Variants in PSMD14 observed in about 807,000 individuals in gnomAD.
The protein encoded by PSMD14 is ubiquitin C-terminal hydrolase PSMD14.
Under a neutral mutation model 41.2 loss-of-function variants are expected in PSMD14, and 7 were observed. That is an observed-to-expected ratio of 0.17 (90% CI 0.10 to 0.32). PSMD14 has a LOEUF of 0.32. Ranked by LOEUF, PSMD14 falls within the 10% of genes least tolerant of loss-of-function variation. The probability of loss-of-function intolerance (pLI) is 1.00; values close to 1 mark genes in which losing one functional copy is unlikely to be tolerated. For synonymous variants in PSMD14, 114 were observed against 122.3 expected, an observed-to-expected ratio of 0.93 and a Z score of 0.45; for missense variants, 139 against 375.6, an observed-to-expected ratio of 0.37 and a Z score of 5.21.
At chr2:161,375,350 G>A (rs1683489271) in intron 7 of PSMD14, among the ~76,000 whole-genome samples, 1 of 152,004 alleles carries the variant, frequency 6.6e-6, no homozygotes, top group South Asian at 2.1e-4. Context: ...TAAGTTGGTT[G>A]CTAGAGACAG....
chr2:161,313,919 T>C (rs1291437972), intron 1 of PSMD14, among the ~76,000 whole-genome samples: 1 of 152,218 alleles, frequency 6.6e-6, no homozygotes, highest in Admixed American at 6.5e-5. Context: ...ATTCTAACTT[T>C]CTGGTGTACA....
At chr2:161,406,850 A>G (rs2105273357) in intron 10 of PSMD14, among the ~76,000 whole-genome samples, 1 of 152,258 alleles carries the variant, frequency 6.6e-6, no homozygotes, top group East Asian at 1.9e-4. Context: ...AATTATGTAA[A>G]AGATTTTTAA....
chr2:161,325,711 T>C (rs1365876116), intron 3 of PSMD14, among the ~76,000 whole-genome samples: 1 of 152,100 alleles, frequency 6.6e-6, no homozygotes, highest in East Asian at 1.9e-4. Flanking sequence ...GCAAAGAAAT[T>C]CCTAAAAAGG....
At chr2:161,402,174 T>G (rs1452916948) in intron 10 of PSMD14, among the ~76,000 whole-genome samples, 2 of 152,224 alleles carry the variant, frequency 1.3e-5, no homozygotes, top group Admixed American at 6.5e-5. Flanking sequence ...ATTGGTTTGC[T>G]TGCATCTCCA....
chr2:161,346,206 C>T (rs570764745), intron 3 of PSMD14, among the ~76,000 whole-genome samples: 7 of 152,168 alleles, frequency 4.6e-5, no homozygotes, highest in African/African-American at 1.7e-4. Flanking sequence ...GTTAAATCTT[C>T]TATTAACCCC....
intron 3 of PSMD14, among the ~76,000 whole-genome samples, chr2:161,331,132 G>A (rs1225525080): frequency 6.6e-6 from 1 of 151,976 alleles, no homozygotes; most frequent in Non-Finnish European, 1.5e-5. Context: ...ATAGGGAGAT[G>A]ATTTTGATTT....
intron 9 of PSMD14, among the ~76,000 whole-genome samples, chr2:161,392,473 A>G (rs1254149368): frequency 1.3e-5 from 2 of 152,218 alleles, no homozygotes; most frequent in Non-Finnish European, 1.5e-5. Context: ...TCTTTCAACC[A>G]GATCACATCC....
intron 3 of PSMD14, among the ~76,000 whole-genome samples, chr2:161,345,236 CTTTTTTTTTT>C (rs869245727): frequency 5.3e-5 from 3 of 57,034 alleles, no homozygotes; most frequent in South Asian, 1.9e-3. Flanking sequence ...ATCTCTGTGT[CTTTTTTTTTT>C]TTTTTTTTTT....
At chr2:161,314,563 C>A (rs977087925) in intron 1 of PSMD14, among the ~76,000 whole-genome samples, 7 of 152,192 alleles carry the variant, frequency 4.6e-5, no homozygotes, top group Non-Finnish European at 1.0e-4. Flanking sequence ...CCTTCCCCAC[C>A]CACTGATAAC....
At chr2:161,389,258 TA>T (rs1483140699) in intron 8 of PSMD14, among the ~76,000 whole-genome samples, 3 of 152,142 alleles carry the variant, frequency 2.0e-5, no homozygotes, top group African/African-American at 7.2e-5. Flanking sequence ...GTTGTGCAAG[TA>T]GTGAGTGCAT....
chr2:161,398,917 T>C (rs1433185973), intron 10 of PSMD14, among the ~76,000 whole-genome samples: 1 of 152,054 alleles, frequency 6.6e-6, no homozygotes, highest in African/African-American at 2.4e-5. Flanking sequence ...TTGGATATGA[T>C]AGAATGTGTT....
chr2:161,387,400 G>C (rs1336596992), intron 8 of PSMD14, among the ~76,000 whole-genome samples: 1 of 151,962 alleles, frequency 6.6e-6, no homozygotes, highest in East Asian at 1.9e-4. Flanking sequence ...TATTTTGAAG[G>C]GGGAGTTAGC....
intron 11 of PSMD14, among the ~76,000 whole-genome samples, chr2:161,409,326 G>A (rs760297683): frequency 6.6e-6 from 1 of 152,168 alleles, no homozygotes; most frequent in Non-Finnish European, 1.5e-5. Flanking sequence ...AAGAGAAAGG[G>A]CTTTAAGTAT....
At chr2:161,389,886 GTTGTTT>G (rs1358759808) in intron 8 of PSMD14, among the ~76,000 whole-genome samples, 4 of 14,930 alleles carry the variant, frequency 2.7e-4, no homozygotes, top group African/African-American at 7.4e-4. Flanking sequence ...TTTCTTTTTT[GTTGTTT>G]TTTTTTTTTT....
At chr2:161,349,019 C>T (rs1345955100) in intron 3 of PSMD14, among the ~76,000 whole-genome samples, 1 of 152,174 alleles carries the variant, frequency 6.6e-6, no homozygotes, top group Non-Finnish European at 1.5e-5. Flanking sequence ...CCCAGAGAGG[C>T]ATCTTTCTAT....
chr2:161,322,951 G>A (rs542053056), intron 3 of PSMD14, among the ~76,000 whole-genome samples: 12 of 152,082 alleles, frequency 7.9e-5, no homozygotes, highest in Middle Eastern at 3.4e-3. Context: ...CTTGGATCTC[G>A]TTCTCTTGAC....
At chr2:161,402,668 G>A (rs974256842) in intron 10 of PSMD14, among the ~76,000 whole-genome samples, 5 of 142,704 alleles carry the variant, frequency 3.5e-5, no homozygotes, top group Non-Finnish European at 6.1e-5. Flanking sequence ...AAACAAAAAT[G>A]AAAAGAAAGT....
intron 3 of PSMD14, among the ~76,000 whole-genome samples, chr2:161,353,525 G>T (rs1040785841): frequency 6.6e-6 from 1 of 152,146 alleles, no homozygotes; most frequent in Non-Finnish European, 1.5e-5. Context: ...GCCTTTCAGT[G>T]TGTCATTTTT....
intron 8 of PSMD14, among the ~76,000 whole-genome samples, chr2:161,386,198 T>C (rs181096245): frequency 7.9e-5 from 12 of 152,004 alleles, no homozygotes; most frequent in Admixed American, 4.6e-4. Context: ...CATGGTGTTT[T>C]TATACAAATC....
Sources: gnomAD v4.1 joint callset for allele counts (sites outside exome capture counted in the v4.1 genomes callset) on GRCh38, gnomAD v4.1.1 for gene constraint, MANE v1.5 for transcripts, NCBI Gene and HGNC (gene_info 2026-07-23, HGNC 2026-07-21) for gene names.